Variants in AGBL4 observed in about 807,000 individuals in gnomAD.
AGBL4 encodes AGBL carboxypeptidase 4.
A neutral mutation model predicts 66.4 loss-of-function variants in AGBL4; 58 were observed. The observed-to-expected ratio is 0.87, with a 90% confidence interval of 0.71 to 1.09. The LOEUF is 1.09. Ranked by LOEUF, AGBL4 falls within the 50% of genes least tolerant of loss-of-function variation. The pLI, the probability that AGBL4 is intolerant of heterozygous loss-of-function variation, is 0.00. For synonymous variants in AGBL4, 234 were observed against 222.9 expected (o/e 1.05, Z -0.44); for missense variants, 579 against 631.0 (o/e 0.92, Z 0.88).
intron 4 of AGBL4, among the ~76,000 whole-genome samples, chr1:49,223,992 G>A (rs1649703388): frequency 6.6e-6 from 1 of 152,114 alleles, no homozygotes; most frequent in Non-Finnish European, 1.5e-5. Flanking sequence ...GTGTGGTCCT[G>A]GGCTTAATTG....
At chr1:49,843,331 G>A (rs1254030711) in intron 2 of AGBL4, among the ~76,000 whole-genome samples, 7 of 151,836 alleles carry the variant, frequency 4.6e-5, no homozygotes, top group Admixed American at 3.3e-4. Context: ...TGGAGATGGG[G>A]ACTCAGCATT....
At chr1:48,664,284 T>C (rs1646152893) in intron 6 of AGBL4, among the ~76,000 whole-genome samples, 1 of 152,184 alleles carries the variant, frequency 6.6e-6, no homozygotes, top group Non-Finnish European at 1.5e-5. Flanking sequence ...TGTGCATACA[T>C]AGGGTGACTC....
chr1:49,420,879 A>G (rs1328271436), intron 3 of AGBL4, among the ~76,000 whole-genome samples: 1 of 152,180 alleles, frequency 6.6e-6, no homozygotes, highest in African/African-American at 2.4e-5. Flanking sequence ...GAGGTGCATA[A>G]GACAGCTATT....
At chr1:48,595,554 C>T (rs1644982546) in intron 9 of AGBL4, among the ~76,000 whole-genome samples, 1 of 152,214 alleles carries the variant, frequency 6.6e-6, no homozygotes, top group Admixed American at 6.5e-5. Flanking sequence ...CCGTTCTTTC[C>T]TTCCAAACTT....
At chr1:49,818,283 T>C (rs1350797097) in intron 2 of AGBL4, among the ~76,000 whole-genome samples, 6 of 152,156 alleles carry the variant, frequency 3.9e-5, no homozygotes, top group African/African-American at 1.4e-4. Flanking sequence ...GTCTCTCCTT[T>C]AAAGAACAGT....
chr1:49,262,128 T>C (rs1260898265), intron 3 of AGBL4, among the ~76,000 whole-genome samples: 2 of 152,142 alleles, frequency 1.3e-5, no homozygotes, highest in African/African-American at 2.4e-5. Flanking sequence ...TGAAACTGGA[T>C]ACCTTCCTTA....
intron 3 of AGBL4, among the ~76,000 whole-genome samples, chr1:49,361,714 T>C (rs1309230193): frequency 1.3e-5 from 2 of 152,124 alleles, no homozygotes; most frequent in Non-Finnish European, 2.9e-5. Context: ...AACAAAGATA[T>C]AGTCTTCCTA....
At chr1:48,688,090 A>G (rs1179115648) in intron 6 of AGBL4, among the ~76,000 whole-genome samples, 1 of 152,214 alleles carries the variant, frequency 6.6e-6, no homozygotes, top group African/African-American at 2.4e-5. Flanking sequence ...GGTATTAAAT[A>G]TTTGTGGAAG....
chr1:48,921,110 C>T (rs1382601550), intron 5 of AGBL4, among the ~76,000 whole-genome samples: 1 of 152,082 alleles, frequency 6.6e-6, no homozygotes, highest in Non-Finnish European at 1.5e-5. Flanking sequence ...AGGCCCGAGT[C>T]ATCAATTTAC....
chr1:48,696,586 T>C (rs532936585), intron 6 of AGBL4, among the ~76,000 whole-genome samples: 48 of 152,250 alleles, frequency 3.2e-4, no homozygotes, highest in African/African-American at 1.1e-3. Flanking sequence ...CCACCACTAC[T>C]ACCACCACCT....
intron 4 of AGBL4, among the ~76,000 whole-genome samples, chr1:49,125,111 A>C (rs1645739387): frequency 6.6e-6 from 1 of 152,172 alleles, no homozygotes; most frequent in Admixed American, 6.6e-5. Context: ...AAGAAGAAAA[A>C]ATGAGGAAAA....
intron 1 of AGBL4, among the ~76,000 whole-genome samples, chr1:49,943,701 TA>T (rs1654969054): frequency 6.8e-6 from 1 of 147,382 alleles, no homozygotes; most frequent in Non-Finnish European, 1.5e-5. Flanking sequence ...CTGCCAGAGG[TA>T]CTGGGAAAAG....
In AGBL4 at chr1:48,811,962, G is replaced by T. The variant is rs546377246; in HGVS notation, c.634+55229C>A. Among the ~76,000 whole-genome samples, 72 of 152,258 alleles carry T rather than the reference G, an allele frequency of 4.7e-4. No homozygotes were observed. In the Middle Eastern group the frequency reaches 0.01, roughly 22 times the overall value. On this transcript the variant is annotated intron_variant, in intron 6 of 13. Transcript: ENST00000371839. Reference sequence around the variant, plus strand: ...TCAGCAAGGTCTTACACAGGGATTGGGTAACTGTGAGAGGTGACTTGGAAG... The same window carrying T: ...TCAGCAAGGTCTTACACAGGGATTGTGTAACTGTGAGAGGTGACTTGGAAG...
intron 3 of AGBL4, among the ~76,000 whole-genome samples, chr1:49,429,893 G>A (rs918554838): frequency 6.7e-6 from 1 of 150,124 alleles, no homozygotes; most frequent in African/African-American, 2.5e-5. Context: ...CACCCAGGCT[G>A]GAATGAAGCA....
At chr1:49,236,322 C>A (rs1650740032) in intron 4 of AGBL4, among the ~76,000 whole-genome samples, 1 of 152,072 alleles carries the variant, frequency 6.6e-6, no homozygotes, top group South Asian at 2.1e-4. Flanking sequence ...GCCACCACAC[C>A]CAGCTCATTC....
At chr1:48,899,901 C>CTGATA (rs1651919713) in intron 5 of AGBL4, among the ~76,000 whole-genome samples, 1 of 151,924 alleles carries the variant, frequency 6.6e-6, no homozygotes, top group African/African-American at 2.4e-5. Flanking sequence ...ATGATTTCAC[C>CTGATA]CTTTAATAAG....
intron 4 of AGBL4, among the ~76,000 whole-genome samples, chr1:49,127,665 T>C (rs1645793859): frequency 6.6e-6 from 1 of 151,976 alleles, no homozygotes; most frequent in Admixed American, 6.6e-5. Flanking sequence ...ACAGAGACAT[T>C]AGGATTTATT....
intron 3 of AGBL4, among the ~76,000 whole-genome samples, chr1:49,687,590 A>G (rs1316728575): frequency 6.6e-6 from 1 of 151,930 alleles, no homozygotes; most frequent in Non-Finnish European, 1.5e-5. Flanking sequence ...TGGGCAACAC[A>G]GTGAAACCTC....
intron 2 of AGBL4, among the ~76,000 whole-genome samples, chr1:49,735,194 G>T (rs527913956): frequency 1.3e-5 from 2 of 151,900 alleles, no homozygotes; most frequent in Non-Finnish European, 2.9e-5. Context: ...TTTTGCAGGT[G>T]TGATTACAGT....
Sources: gnomAD v4.1 joint callset for allele counts (sites outside exome capture counted in the v4.1 genomes callset) on GRCh38, gnomAD v4.1.1 for gene constraint, MANE v1.5 for transcripts, NCBI Gene and HGNC (gene_info 2026-07-23, HGNC 2026-07-21) for gene names.